IMPG1: variants seen among roughly 807,000 people sequenced by gnomAD.
IMPG1 encodes interphotoreceptor matrix proteoglycan of 150 kDa.
A neutral mutation model predicts 92.0 loss-of-function variants in IMPG1; 85 were observed. The observed-to-expected ratio is 0.92, with a 90% CI of 0.78 to 1.11. The LOEUF (loss-of-function observed/expected upper bound fraction) is 1.11, where lower values mean the gene tolerates loss of function less well. IMPG1 is among the 50% of genes least tolerant of loss of function. IMPG1 has a pLI of 0.00. For synonymous variants in IMPG1, 367 were observed against 334.1 expected, an observed-to-expected ratio of 1.10 and a Z score of -1.08; for missense variants, 1,022 against 956.0, an observed-to-expected ratio of 1.07 and a Z score of -0.91.
At chr6:75,931,183 T>C (rs756160506) in intron 14 of IMPG1, 32 bp from the exon 15 acceptor site, 81 of 1,572,428 alleles carry the variant, frequency 5.2e-5, no homozygotes, top group Non-Finnish European at 6.8e-5. Context: ...TTAACGCATG[T>C]ATGAATAGCT....
Position 76,033,392 on chromosome 6 carries a change from A to G in IMPG1, c.497+923T>C, listed in dbSNP as rs556176709. Among the ~76,000 whole-genome samples the G allele has an allele frequency of 8.5e-5, 13 of 152,312 alleles. No homozygotes were observed. In the South Asian group the frequency reaches 2.3e-3, roughly 27 times the overall value. On this transcript the variant is annotated intron_variant, in intron 4 of 16. Transcript: ENST00000369950. ...CGGAGGTGGGCTGGAAAAGGTTGGG[A>G]GTGGATATTCAGAATGGCAAGAGGA...
chr6:75,953,403 G>T (rs1446974819), intron 12 of IMPG1, among the ~76,000 whole-genome samples: 4 of 151,888 alleles, frequency 2.6e-5, no homozygotes, highest in African/African-American at 9.7e-5. Flanking sequence ...TTCCCCTAAT[G>T]TTATACCTCC....
intron 1 of IMPG1, among the ~76,000 whole-genome samples, chr6:76,047,722 A>C (rs1260338074): frequency 6.6e-6 from 1 of 152,152 alleles, no homozygotes; most frequent in Non-Finnish European, 1.5e-5. Context: ...TATTAATGGG[A>C]TTTTTAGAAT....
At chr6:76,043,882 T>G (rs1783888659) in intron 1 of IMPG1, among the ~76,000 whole-genome samples, 1 of 152,218 alleles carries the variant, frequency 6.6e-6, no homozygotes. Flanking sequence ...CCCCTGATGA[T>G]GGCCAGCAGC....
intron 1 of IMPG1, among the ~76,000 whole-genome samples, chr6:76,065,683 A>G (rs2127598592): frequency 6.6e-6 from 1 of 152,228 alleles, no homozygotes; most frequent in Non-Finnish European, 1.5e-5. Context: ...AAACTTCCCT[A>G]ATTTTACTAG....
At position 76,018,700 on chromosome 6, in the gene IMPG1, T is replaced by C; in HGVS notation, c.807+18A>G. The C allele has an allele frequency of 3.1e-6, 5 of 1,609,324 alleles. No individual in the cohort carries two copies. The highest frequency in any genetic ancestry group is 3.4e-6 in the Non-Finnish European group (4 of 1,177,692). ...AGTCACAGCTTGAGGTGTGGTTGTA[T>C]GGGCCGGGTCTACTCACCTGAAGTT... On this transcript the variant is annotated intron_variant, in intron 7 of 16. Coordinates refer to ENST00000369950, the MANE Select transcript of IMPG1 (RefSeq NM_001563.4).
At chr6:76,036,325 C>T (rs1335862341) in intron 2 of IMPG1, among the ~76,000 whole-genome samples, 2 of 152,160 alleles carry the variant, frequency 1.3e-5, no homozygotes, top group African/African-American at 4.8e-5. Flanking sequence ...GAAGCATAAG[C>T]TACAGATCCT....
chr6:76,048,433 C>T (rs1229016586), intron 1 of IMPG1, among the ~76,000 whole-genome samples: 2 of 152,182 alleles, frequency 1.3e-5, no homozygotes, highest in African/African-American at 4.8e-5. Context: ...GCATCCAGCA[C>T]AGCATCTGCT....
At chr6:75,956,931 A>C (rs894747484) in intron 12 of IMPG1, among the ~76,000 whole-genome samples, 5 of 150,770 alleles carry the variant, frequency 3.3e-5, no homozygotes, top group African/African-American at 7.3e-5. Context: ...TTTCTTTTTT[A>C]TTTTTTGAGA....
intron 14 of IMPG1, among the ~76,000 whole-genome samples, chr6:75,940,078 A>G (rs945281196): frequency 6.6e-6 from 1 of 151,956 alleles, no homozygotes; most frequent in African/African-American, 2.4e-5. Context: ...ATTGTCTCTC[A>G]CCTCACTGAC....
chr6:75,954,689 A>G (rs1407591218), intron 12 of IMPG1, among the ~76,000 whole-genome samples: 1 of 152,192 alleles, frequency 6.6e-6, no homozygotes, highest in African/African-American at 2.4e-5. Context: ...GTCTTTGCCC[A>G]TGCCTATGTC....
chr6:76,002,790 T>C, intron 12 of IMPG1, 128 bp downstream of exon 12: 1 of 691,886 alleles, frequency 1.4e-6, no homozygotes, highest in Non-Finnish European at 2.6e-6. Flanking sequence ...CTGTTGGAAA[T>C]GCTGGTGGCA....
rs184293776 is a variant in IMPG1 at position 76,005,863 on chromosome 6, G to A, written c.888-329C>T. On this transcript the variant is annotated intron_variant, in intron 9 of 16. Coordinates refer to ENST00000369950, the MANE Select transcript of IMPG1 (RefSeq NM_001563.4). ...TCTTTTATTTTTTTTTTGCGACAGGGTCTCACTCTGTTACCCAGGCTGGAG... is the reference window on the plus strand; with the variant it reads ...TCTTTTATTTTTTTTTTGCGACAGGATCTCACTCTGTTACCCAGGCTGGAG... Among the ~76,000 whole-genome samples, 4 of 150,460 alleles carry A rather than the reference G, an allele frequency of 2.7e-5. No homozygotes were observed. In the East Asian group the frequency reaches 5.9e-4, roughly 22 times the overall value.
intron 9 of IMPG1, among the ~76,000 whole-genome samples, chr6:76,006,642 T>G (rs1273843405): frequency 6.6e-6 from 1 of 151,768 alleles, no homozygotes; most frequent in African/African-American, 2.4e-5. Context: ...TATTTTTTAA[T>G]TAAAAAAATA....
intron 7 of IMPG1, among the ~76,000 whole-genome samples, chr6:76,012,839 C>T (rs964123231): frequency 1.1e-4 from 17 of 152,264 alleles, no homozygotes; most frequent in African/African-American, 4.1e-4. Flanking sequence ...TCTCTTCTTC[C>T]CAAGTCTGCC....
chr6:75,983,882 A>G (rs757117425), intron 12 of IMPG1, among the ~76,000 whole-genome samples: 1 of 152,190 alleles, frequency 6.6e-6, no homozygotes, highest in Non-Finnish European at 1.5e-5. Flanking sequence ...AAAAAAGCAA[A>G]TAACCTGACT....
intron 1 of IMPG1, among the ~76,000 whole-genome samples, chr6:76,049,494 C>G (rs965373192): frequency 6.6e-6 from 1 of 152,104 alleles, no homozygotes; most frequent in Non-Finnish European, 1.5e-5. Flanking sequence ...CTCTTTCATT[C>G]TCTTTATATT....
chr6:75,926,921 T>G (rs1781563338), intron 15 of IMPG1, among the ~76,000 whole-genome samples: 8 of 152,202 alleles, frequency 5.3e-5, no homozygotes, highest in Admixed American at 5.2e-4. Flanking sequence ...AAACTGCTCT[T>G]TGTGTGTCAA....
At chr6:75,984,378 A>G (rs1167905440) in intron 12 of IMPG1, among the ~76,000 whole-genome samples, 1 of 152,248 alleles carries the variant, frequency 6.6e-6, no homozygotes, top group African/African-American at 2.4e-5. Context: ...AAAGCTATTC[A>G]GTCTTAAAAA....
Sources: gnomAD v4.1 joint callset for allele counts (sites outside exome capture counted in the v4.1 genomes callset) on GRCh38, gnomAD v4.1.1 for gene constraint, MANE v1.5 for transcripts, NCBI Gene and HGNC (gene_info 2026-07-23, HGNC 2026-07-21) for gene names.